The following PTPRD variants were observed in gnomAD, a reference collection of about 807,000 sequenced individuals.
The protein encoded by PTPRD is receptor-type tyrosine-protein phosphatase delta.
PTPRD carries 34 observed loss-of-function variants against 214.5 expected under a neutral mutation model. The ratio of observed to expected loss-of-function variants is 0.16; its 90% CI spans 0.12 to 0.21. The LOEUF (loss-of-function observed/expected upper bound fraction) is 0.21. Ranked by LOEUF, PTPRD falls within the 10% of genes least tolerant of loss-of-function variation. The probability of loss-of-function intolerance (pLI) is 1.00; values close to 1 mark genes in which losing one functional copy is unlikely to be tolerated. For missense variants in PTPRD, 2,545 were observed against 2,398.7 expected (o/e 1.06, Z -1.27); for synonymous variants, 1,128 against 845.7 (o/e 1.33, Z -5.79).
chr9:9,889,912 C>G (rs2072627092), intron 5 of PTPRD, among the ~76,000 whole-genome samples: 1 of 151,924 alleles, frequency 6.6e-6, no homozygotes, highest in Admixed American at 6.6e-5. Flanking sequence ...TGGTACTTCC[C>G]TGTAGGCACT....
At chr9:9,214,864 C>T (rs925819914) in intron 9 of PTPRD, among the ~76,000 whole-genome samples, 1 of 152,108 alleles carries the variant, frequency 6.6e-6, no homozygotes, top group Admixed American at 6.5e-5. Flanking sequence ...TTACTTTTAA[C>T]AGATGAAGGA....
At chr9:10,158,140 C>G (rs929321725) in intron 3 of PTPRD, among the ~76,000 whole-genome samples, 1 of 152,054 alleles carries the variant, frequency 6.6e-6, no homozygotes. Flanking sequence ...CCCCGCTTAA[C>G]TGGGATTACA....
At chr9:8,517,584 T>C (rs1209555802) in intron 21 of PTPRD, among the ~76,000 whole-genome samples, 1 of 152,246 alleles carries the variant, frequency 6.6e-6, no homozygotes, top group African/African-American at 2.4e-5. Flanking sequence ...GGAGACATTG[T>C]TCTATCTCAC....
chr9:9,979,742 T>C (rs1429751844), intron 4 of PTPRD, among the ~76,000 whole-genome samples: 1 of 152,180 alleles, frequency 6.6e-6, no homozygotes, highest in Non-Finnish European at 1.5e-5. Flanking sequence ...AGTGGGAATT[T>C]ACCAAACAGA....
rs1275922088 is a variant in PTPRD at position 9,237,228 on chromosome 9, T to C, written c.-202-53865A>G. ...ACAATTGGATAGATGGGTGAGCCCCTCAATAGCATTCAGGCTGCAAATTAA... is the reference window on the plus strand; with the variant it reads ...ACAATTGGATAGATGGGTGAGCCCCCCAATAGCATTCAGGCTGCAAATTAA... On this transcript the variant is annotated intron_variant, in intron 9 of 45. Transcript: ENST00000381196. Among the ~76,000 whole-genome samples the C allele has an allele frequency of 5.3e-5, 8 of 152,130 alleles. No homozygotes were observed. The East Asian group carries it at 1.5e-3, about 29-fold the overall frequency.
intron 9 of PTPRD, among the ~76,000 whole-genome samples, chr9:9,193,849 A>C (rs2099936687): frequency 1.3e-5 from 2 of 152,244 alleles, no homozygotes; most frequent in South Asian, 4.1e-4. Flanking sequence ...AACTTTGGCT[A>C]CACTAAATTT....
At chr9:8,797,471 G>C (rs2096462880) in intron 11 of PTPRD, among the ~76,000 whole-genome samples, 2 of 152,180 alleles carry the variant, frequency 1.3e-5, no homozygotes, top group Admixed American at 6.5e-5. Context: ...GGATGTCTAA[G>C]CGATATATGA....
At position 8,975,076 on chromosome 9, in the gene PTPRD, G is replaced by A. The variant is rs2099260812; in HGVS notation, c.-104+43621C>T. Among the ~76,000 whole-genome samples, 3 of 124,362 alleles carry A rather than the reference G, an allele frequency of 2.4e-5. No individual in the cohort carries two copies. The Admixed American group carries it at 2.7e-4, about 11-fold the overall frequency. The allele number at this position is 124,362 out of a possible 152,430, so 81.6% of individuals were successfully genotyped here. The stretch of plus-strand genomic sequence containing the variant: ...CCTGCCATTGCACTCCAGCCTGGGT[G>A]ACAAGAGCAAAACTCTGTCTCAAAA... On this transcript the variant is annotated intron_variant, in intron 11 of 45. Coordinates refer to ENST00000381196, the MANE Select transcript of PTPRD (RefSeq NM_002839.4).
intron 33 of PTPRD, among the ~76,000 whole-genome samples, chr9:8,456,432 C>G (rs926850832): frequency 6.6e-6 from 1 of 152,022 alleles, no homozygotes; most frequent in Non-Finnish European, 1.5e-5. Context: ...TGGAGTTATC[C>G]AAGCCAAAAG....
intron 3 of PTPRD, among the ~76,000 whole-genome samples, chr9:10,329,216 A>G (rs1276737692): frequency 6.6e-6 from 1 of 151,782 alleles, no homozygotes; most frequent in Admixed American, 6.6e-5. Context: ...TGCAATTTAT[A>G]TCATTTGACA....
chr9:9,877,808 T>A (rs548619405), intron 5 of PTPRD, among the ~76,000 whole-genome samples: 1 of 151,814 alleles, frequency 6.6e-6, no homozygotes, highest in Non-Finnish European at 1.5e-5. Flanking sequence ...AACCTGTCTC[T>A]ACTGAAAATA....
At chr9:9,427,446 G>C (rs1486490552) in intron 8 of PTPRD, among the ~76,000 whole-genome samples, 2 of 152,122 alleles carry the variant, frequency 1.3e-5, no homozygotes, top group Non-Finnish European at 2.9e-5. Context: ...ATTGGTGTAC[G>C]TAAAAGTGAC....
intron 27 of PTPRD, among the ~76,000 whole-genome samples, 161 bp downstream of exon 27, chr9:8,492,701 C>T (rs1332741017): frequency 9.4e-5 from 12 of 127,776 alleles, no homozygotes; most frequent in African/African-American, 4.0e-4. Flanking sequence ...TTTCCCTGAT[C>T]TATTTTTTTT....
At chr9:10,520,535 G>C (rs2051832396) in intron 2 of PTPRD, among the ~76,000 whole-genome samples, 1 of 152,134 alleles carries the variant, frequency 6.6e-6, no homozygotes, top group Non-Finnish European at 1.5e-5. Flanking sequence ...ATACTTAATG[G>C]AATTGGCTAC....
intron 37 of PTPRD, among the ~76,000 whole-genome samples, chr9:8,383,510 C>T (rs537771715): frequency 5.9e-5 from 9 of 152,214 alleles, no homozygotes; most frequent in Non-Finnish European, 1.0e-4. Context: ...ACTCAAGTCA[C>T]GATGCACAAA....
intron 39 of PTPRD, among the ~76,000 whole-genome samples, chr9:8,351,542 A>G (rs2075452240): frequency 1.3e-5 from 2 of 151,988 alleles, no homozygotes; most frequent in South Asian, 4.1e-4. Flanking sequence ...AGACACAGAG[A>G]GAAAAGATGG....
intron 30 of PTPRD, among the ~76,000 whole-genome samples, chr9:8,480,554 G>C (rs534465286): frequency 5.3e-5 from 8 of 152,252 alleles, no homozygotes; most frequent in African/African-American, 1.2e-4. Flanking sequence ...TTGACTATTA[G>C]GGTATGTGAT....
chr9:9,102,673 A>T (rs1424799151), intron 10 of PTPRD, among the ~76,000 whole-genome samples: 1 of 152,216 alleles, frequency 6.6e-6, no homozygotes, highest in Non-Finnish European at 1.5e-5. Context: ...ACATTTTCTT[A>T]AATATACAGA....
chr9:9,976,986 A>G (rs2095380084), intron 4 of PTPRD, among the ~76,000 whole-genome samples: 2 of 152,212 alleles, frequency 1.3e-5, no homozygotes, highest in South Asian at 4.1e-4. Flanking sequence ...AATACTGAAG[A>G]TACAAAGTTT....
Sources: gnomAD v4.1 joint callset for allele counts (sites outside exome capture counted in the v4.1 genomes callset) on GRCh38, gnomAD v4.1.1 for gene constraint, MANE v1.5 for transcripts, NCBI Gene and HGNC (gene_info 2026-07-23, HGNC 2026-07-21) for gene names.